Variants in KAT6B observed in about 807,000 individuals in gnomAD.
The protein encoded by KAT6B is lysine acetyltransferase 6B.
In KAT6B, 10 loss-of-function variants were observed where a neutral mutation model predicts 187.5. The observed-to-expected ratio is 0.05, with a 90% CI of 0.03 to 0.09. KAT6B has a LOEUF of 0.09. KAT6B is among the 10% of genes least tolerant of loss of function. The pLI is 1.00. For missense variants in KAT6B, 1,952 were observed against 2,558.9 expected (o/e 0.76, Z 5.12); for synonymous variants, 861 against 926.8 (o/e 0.93, Z 1.29).
chr10:75,025,212 A>G lies in KAT6B; in HGVS notation c.3627A>G (p.Lys1209=). 1 of 1,614,244 alleles carries G rather than the reference A, an allele frequency of 6.2e-7. No individual in the cohort carries two copies. Among genetic ancestry groups the G allele is most frequent in the South Asian group, 1.1e-5 (1 of 91,084 alleles). The change falls in exon 17 of 18, where the codon AAA becomes AAG. Residue 1209 remains lysine (K), a synonymous_variant. Transcript: ENST00000287239. ...GACAAACAGAGGAAGAGGAAGGAAA[A>G]GACAATCATTGCTTCAAGAATGCTG... ...KKRQTEEEEG[K]DNHCFKNADP...
intron 1 of KAT6B, among the ~76,000 whole-genome samples, chr10:74,830,586 T>C (rs1475230138): frequency 6.6e-6 from 1 of 151,222 alleles, no homozygotes; most frequent in Non-Finnish European, 1.5e-5. Context: ...TTCTAAAGTA[T>C]TGTACCAGGT....
At chr10:74,988,110 A>G (rs1210251885) in intron 12 of KAT6B, among the ~76,000 whole-genome samples, 2 of 152,160 alleles carry the variant, frequency 1.3e-5, no homozygotes, top group African/African-American at 2.4e-5. Flanking sequence ...TTCATTAAAG[A>G]TCTGGGTGTT....
chr10:74,894,254 G>A (rs759440084), intron 3 of KAT6B, among the ~76,000 whole-genome samples: 2 of 151,980 alleles, frequency 1.3e-5, no homozygotes, highest in Admixed American at 6.6e-5. Context: ...GCTAATTTTC[G>A]TACTTTTAGT....
At chr10:75,002,824 G>T (rs1359292046) in intron 13 of KAT6B, among the ~76,000 whole-genome samples, 1 of 152,186 alleles carries the variant, frequency 6.6e-6, no homozygotes, top group Non-Finnish European at 1.5e-5. Flanking sequence ...ATTGTTGATT[G>T]CCCATGTCTT....
At chr10:74,826,578 G>A (rs140910474), upstream of KAT6B, 217 of 153,074 alleles carry the variant, frequency 1.4e-3, 1 homozygote, top group African/African-American at 5.0e-3. Context: ...CGGGTTTAAT[G>A]AGACTCCATT....
At chr10:74,890,233 C>T (rs935722466) in intron 3 of KAT6B, among the ~76,000 whole-genome samples, 3 of 151,990 alleles carry the variant, frequency 2.0e-5, no homozygotes, top group African/African-American at 2.4e-5. Flanking sequence ...GATGGGGTTT[C>T]GCCATGTTGC....
intron 3 of KAT6B, among the ~76,000 whole-genome samples, chr10:74,905,596 G>A (rs1846698938): frequency 6.6e-6 from 1 of 152,116 alleles, no homozygotes; most frequent in South Asian, 2.1e-4. Context: ...AACTCAGTCT[G>A]CCAGACTCTG....
intron 3 of KAT6B, among the ~76,000 whole-genome samples, chr10:74,887,563 G>A (rs908679326): frequency 6.6e-6 from 1 of 151,992 alleles, no homozygotes; most frequent in Non-Finnish European, 1.5e-5. Context: ...GACCTCAGGT[G>A]ATCCACCTGC....
intron 3 of KAT6B, among the ~76,000 whole-genome samples, chr10:74,909,325 C>T (rs532372203): frequency 4.6e-5 from 7 of 152,144 alleles, no homozygotes; most frequent in Non-Finnish European, 8.8e-5. Context: ...GAGCTGAGAT[C>T]GCATCATTGT....
rs1397961291 is a variant in KAT6B, at chr10:75,032,311, A to G, written c.*1265A>G. 4 of 193,412 alleles carry G rather than the reference A, an allele frequency of 2.1e-5. No individual in the cohort carries two copies. The highest frequency in any genetic ancestry group is 9.3e-5 in the African/African-American group (4 of 43,104). 12.0% of individuals were successfully genotyped at this position (193,412 alleles called of 1,614,324 possible). A position where few individuals can be genotyped will look rare whatever the true frequency, so the allele number is the denominator to read the frequency against. ...CATTTTTAGCCTCTTGTGTCCTGTC[A>G]TATTATGATTGATAGAGAATGACCA... On this transcript the variant is annotated 3_prime_UTR_variant, in exon 18 of 18. Coordinates refer to ENST00000287239, the MANE Select transcript of KAT6B (RefSeq NM_012330.4).
At chr10:74,956,390 T>TC (rs1341264479) in intron 3 of KAT6B, among the ~76,000 whole-genome samples, 4 of 152,324 alleles carry the variant, frequency 2.6e-5, no homozygotes, top group East Asian at 1.9e-4. Context: ...AGGTACCTTT[T>TC]CCCCATGGTA....
At chr10:74,995,915 C>T (rs1006926527) in intron 13 of KAT6B, among the ~76,000 whole-genome samples, 3 of 152,196 alleles carry the variant, frequency 2.0e-5, no homozygotes, top group Non-Finnish European at 4.4e-5. Flanking sequence ...GTCTTTTACT[C>T]GGGCCTGCAG....
intron 8 of KAT6B, 46 bp from the exon 9 acceptor site, chr10:74,977,270 A>G (rs1348736803): frequency 1.2e-6 from 2 of 1,605,058 alleles, no homozygotes; most frequent in East Asian, 2.2e-5. Flanking sequence ...GTGGTTACTC[A>G]TGATTCAAGT....
At chr10:75,017,486 C>T (rs1352522716) in intron 13 of KAT6B, among the ~76,000 whole-genome samples, 8 of 152,072 alleles carry the variant, frequency 5.3e-5, no homozygotes, top group East Asian at 1.9e-4. Flanking sequence ...TGGCCACTGG[C>T]GCCTGTAATC....
At chr10:74,900,142 C>A (rs1474453329) in intron 3 of KAT6B, among the ~76,000 whole-genome samples, 1 of 151,948 alleles carries the variant, frequency 6.6e-6, no homozygotes, top group Non-Finnish European at 1.5e-5. Context: ...AATTAAGTGA[C>A]CTTAGGGCAG....
At chr10:74,843,698 G>A (rs1028385354) in intron 3 of KAT6B, among the ~76,000 whole-genome samples, 1 of 152,160 alleles carries the variant, frequency 6.6e-6, no homozygotes, top group Non-Finnish European at 1.5e-5. Context: ...GAGTCATGTG[G>A]TTTGTTTTTA....
At chr10:74,955,383 T>C (rs1345916057) in intron 3 of KAT6B, among the ~76,000 whole-genome samples, 96 of 101,368 alleles carry the variant, frequency 9.5e-4, no homozygotes, top group Admixed American at 1.4e-3. Context: ...CACAATTTTA[T>C]CCCCCCCCCC....
intron 13 of KAT6B, among the ~76,000 whole-genome samples, chr10:75,000,538 A>C (rs367756558): frequency 2.4e-4 from 37 of 152,290 alleles, no homozygotes; most frequent in African/African-American, 8.7e-4. Context: ...ATAAAGGGTA[A>C]AGGACAGCTG....
At chr10:74,866,823 G>A (rs949179116) in intron 3 of KAT6B, among the ~76,000 whole-genome samples, 2 of 152,148 alleles carry the variant, frequency 1.3e-5, no homozygotes, top group Non-Finnish European at 2.9e-5. Flanking sequence ...GGGAAGGTAT[G>A]AAAGAAAATT....
Sources: gnomAD v4.1 joint callset for allele counts (sites outside exome capture counted in the v4.1 genomes callset) on GRCh38, gnomAD v4.1.1 for gene constraint, MANE v1.5 for transcripts, NCBI Gene and HGNC (gene_info 2026-07-23, HGNC 2026-07-21) for gene names.